Variants in FA2H observed in about 807,000 individuals in gnomAD.
FA2H encodes the protein fatty acid 2-hydroxylase.
In FA2H, 22 loss-of-function variants were observed where a neutral mutation model predicts 44.9. That is an observed-to-expected ratio of 0.49 (90% CI 0.35 to 0.70). The LOEUF is 0.70. Ranked by LOEUF, FA2H falls within the 30% of genes least tolerant of loss-of-function variation. The pLI is 0.01. For missense variants in FA2H, 501 were observed against 504.9 expected, an observed-to-expected ratio of 0.99 and a Z score of 0.07; for synonymous variants, 243 against 213.2, an observed-to-expected ratio of 1.14 and a Z score of -1.22.
Position 74,713,909 on chromosome 16 carries a change from G to T in FA2H, c.*281C>A, listed in dbSNP as rs189104271. 0.03 allele frequency: 13,789 copies of T among 462,592 alleles called. 1,081 individuals carry two copies. Among genetic ancestry groups the T allele is most frequent in the African/African-American group, 0.2 (10,527 of 51,456 alleles). The allele number at this position is 462,592 out of a possible 1,614,324, so 28.7% of individuals were successfully genotyped here. On this transcript the variant is annotated 3_prime_UTR_variant, in exon 7 of 7. Coordinates refer to ENST00000219368, the MANE Select transcript of FA2H (RefSeq NM_024306.5). ...CTTGCGGCTGCTACCTGTGGCCACGGCCTGAAGCAGTCCTGTGGGCTGAGC... is the reference window on the plus strand; with the variant it reads ...CTTGCGGCTGCTACCTGTGGCCACGTCCTGAAGCAGTCCTGTGGGCTGAGC...
chr16:74,745,030 G>C (rs1003682979), intron 1 of FA2H, among the ~76,000 whole-genome samples: 2 of 152,180 alleles, frequency 1.3e-5, no homozygotes, highest in Admixed American at 6.5e-5. Flanking sequence ...ACCCATCTGT[G>C]TCAGGTGATT....
At position 74,719,726 on chromosome 16, in the gene FA2H, T is replaced by C. The variant is rs572233547; in HGVS notation, c.614-566A>G. On this transcript the variant is annotated intron_variant, in intron 4 of 6. Transcript: ENST00000219368. ...CTAATTTTAAATTTATTTTTTATTT[T>C]TATTTTTTTTGTAGAGACGAGATCT... Among the ~76,000 whole-genome samples, 5 of 152,270 alleles carry C rather than the reference T, an allele frequency of 3.3e-5. No individual in the cohort carries two copies. The East Asian group carries it at 9.6e-4, about 29-fold the overall frequency.
In FA2H at chr16:74,727,379, A is replaced by G; in HGVS notation, c.371T>C (p.Val124Ala). Residue 124 changes from valine (V) to alanine (A), a missense_variant, in exon 3 of 7, where the codon GTG becomes GCG. Coordinates refer to ENST00000219368, the MANE Select transcript of FA2H (RefSeq NM_024306.5). ...FKVVDWDKDL[V>A]DWRKPLLWQV... Reference sequence around the variant, plus strand: ...CCACAGGAGAGGCTTTCGCCAGTCCACCAGGTCCTGCAAGAGATGAAGCCA... The same window carrying G: ...CCACAGGAGAGGCTTTCGCCAGTCCGCCAGGTCCTGCAAGAGATGAAGCCA... The G allele has an allele frequency of 9.9e-6, 16 of 1,614,232 alleles. No homozygotes were observed. The highest frequency in any genetic ancestry group is 1.4e-5 in the Non-Finnish European group (16 of 1,180,042).
chr16:74,765,329 G>A (rs1237609420), intron 1 of FA2H, among the ~76,000 whole-genome samples: 1 of 151,884 alleles, frequency 6.6e-6, no homozygotes, highest in Admixed American at 6.6e-5. Flanking sequence ...GCTAATTTTT[G>A]TATTTTTAGT....
chr16:74,715,125 C>A (rs1373637507), intron 6 of FA2H, among the ~76,000 whole-genome samples: 3 of 151,908 alleles, frequency 2.0e-5, no homozygotes, highest in Admixed American at 6.6e-5. Flanking sequence ...AATGTTTAAG[C>A]ATGTTTGGAG....
intron 4 of FA2H, among the ~76,000 whole-genome samples, chr16:74,719,783 C>A (rs1414021189): frequency 6.6e-6 from 1 of 151,810 alleles, no homozygotes; most frequent in African/African-American, 2.4e-5. Flanking sequence ...CTCAAACTCC[C>A]AGACTCAAGC....
intron 4 of FA2H, among the ~76,000 whole-genome samples, chr16:74,724,692 T>C (rs1285298052): frequency 1.3e-5 from 2 of 152,138 alleles, no homozygotes; most frequent in Non-Finnish European, 2.9e-5. Context: ...GGCATCATGG[T>C]CACAGGCTTA....
intron 1 of FA2H, among the ~76,000 whole-genome samples, chr16:74,753,207 CA>C (rs1000489525): frequency 1.4e-4 from 21 of 152,204 alleles, no homozygotes; most frequent in African/African-American, 4.8e-4. Flanking sequence ...TTAACTTGCC[CA>C]AAGTCACACC....
At chr16:74,741,763 C>T (rs940800510) in intron 1 of FA2H, among the ~76,000 whole-genome samples, 4 of 113,330 alleles carry the variant, frequency 3.5e-5, no homozygotes, top group South Asian at 2.6e-4. Context: ...GCTGGGCCAA[C>T]ACCTGATTAA....
At chr16:74,719,271 G>T in intron 4 of FA2H, 111 bp from the exon 5 acceptor site, 1 of 908,962 alleles carries the variant, frequency 1.1e-6, no homozygotes, top group East Asian at 2.6e-5. Context: ...CCCTCTGTTG[G>T]ACAGCTACAG....
intron 1 of FA2H, among the ~76,000 whole-genome samples, chr16:74,765,446 C>T (rs1370296805): frequency 6.6e-6 from 1 of 151,022 alleles, no homozygotes; most frequent in Admixed American, 6.6e-5. Flanking sequence ...CATGAGCCAC[C>T]GTGCCCGGCT....
At chr16:74,739,296 G>C (rs985425172) in intron 2 of FA2H, among the ~76,000 whole-genome samples, 9 of 152,130 alleles carry the variant, frequency 5.9e-5, no homozygotes, top group African/African-American at 2.2e-4. Context: ...ATGCACATTT[G>C]TGTCTGTTCC....
chr16:74,741,808 A>ATATATATGTGTGTGTGTGTG (rs1491185782), intron 1 of FA2H, among the ~76,000 whole-genome samples: 3 of 48,416 alleles, frequency 6.2e-5, no homozygotes, highest in African/African-American at 3.2e-4. Context: ...ATATATATAT[A>ATATATATGTGTGTGTGTGTG]TGTGTGTGTG....
chr16:74,739,867 A>G (rs893683533), intron 2 of FA2H, among the ~76,000 whole-genome samples, 156 bp downstream of exon 2: 1 of 152,122 alleles, frequency 6.6e-6, no homozygotes, highest in Non-Finnish European at 1.5e-5. Context: ...TTGCTGTCCC[A>G]GGTCATGCCT....
At chr16:74,723,988 G>T (rs555755968) in intron 4 of FA2H, among the ~76,000 whole-genome samples, 2 of 152,056 alleles carry the variant, frequency 1.3e-5, no homozygotes. Context: ...TGCAACCTCT[G>T]CCTCCTGGGT....
intron 1 of FA2H, among the ~76,000 whole-genome samples, chr16:74,755,904 A>C (rs1016110464): frequency 4.6e-5 from 7 of 152,214 alleles, no homozygotes; most frequent in Admixed American, 4.6e-4. Context: ...GTAAGGGTAT[A>C]GTCTGACAAC....
Position 74,774,760 on chromosome 16 carries a change from G to C in FA2H, c.-5C>G. The C allele has an allele frequency of 1.5e-6, 2 of 1,298,890 alleles. No homozygotes were observed. Among genetic ancestry groups the C allele is most frequent in the South Asian group, 2.5e-5 (1 of 40,712 alleles). The allele number at this position is 1,298,890 out of a possible 1,614,324, so 80.5% of individuals were successfully genotyped here. ...GGGGGGCGGAGCGGGGGCCATGGCC[G>C]GAGACCGCAGCTCCCAGCGCGCAGC... is the stretch of plus-strand genomic sequence containing the variant. On this transcript the variant is annotated 5_prime_UTR_variant, in exon 1 of 7. Coordinates refer to ENST00000219368, the MANE Select transcript of FA2H (RefSeq NM_024306.5).
intron 1 of FA2H, among the ~76,000 whole-genome samples, chr16:74,742,776 T>C (rs1330222933): frequency 6.6e-6 from 1 of 152,148 alleles, no homozygotes; most frequent in Non-Finnish European, 1.5e-5. Context: ...AGGTTGAGGC[T>C]ATGAGTGAGC....
intron 6 of FA2H, 140 bp downstream of exon 6, chr16:74,716,207 C>A (rs1961691859): frequency 1.1e-6 from 1 of 874,136 alleles, no homozygotes; most frequent in Non-Finnish European, 1.8e-6. Flanking sequence ...CTGTCTGCAC[C>A]AGGGAAGAGA....
Sources: allele counts gnomAD v4.1 joint callset (sites outside exome capture counted in the v4.1 genomes callset), GRCh38; gene constraint gnomAD v4.1.1; transcripts MANE v1.5; gene names NCBI Gene and HGNC (gene_info 2026-07-23, HGNC 2026-07-21).